The following TRIP12 variants were observed in gnomAD, a reference collection of about 807,000 sequenced individuals.
TRIP12 encodes E3 ubiquitin-protein ligase TRIP12.
A neutral mutation model predicts 244.2 loss-of-function variants in TRIP12; 25 were observed. That is an observed-to-expected ratio of 0.10 (90% CI 0.07 to 0.14). The LOEUF (loss-of-function observed/expected upper bound fraction) is 0.14. TRIP12 is among the 10% of genes least tolerant of loss of function. The pLI, the probability that TRIP12 is intolerant of heterozygous loss-of-function variation, is 1.00. For missense variants in TRIP12, 1,677 were observed against 2,486.4 expected, an observed-to-expected ratio of 0.67 and a Z score of 6.92; for synonymous variants, 905 against 873.1, an observed-to-expected ratio of 1.04 and a Z score of -0.64.
chr2:229,791,801 A>C (rs2041616268), intron 29 of TRIP12, 65 bp downstream of exon 29: 1 of 1,544,694 alleles, frequency 6.5e-7, no homozygotes. Flanking sequence ...GTTAATGTGA[A>C]TTCTAAAACA....
In TRIP12 at chr2:229,877,545, A is replaced by G. The variant is rs116101309; in HGVS notation, c.98+2437T>C. On this transcript the variant is annotated intron_variant, in intron 2 of 41. Coordinates refer to ENST00000675903, the MANE Select transcript of TRIP12 (RefSeq NM_001348323.3). ...AAGACTCCGTCTCAAAAAATAAATT[A>G]AAAAAAATTTTTTAATCTACATAAC... Among the ~76,000 whole-genome samples, 932 of 152,242 alleles carry G rather than the reference A, an allele frequency of 6.1e-3. 7 individuals carry two copies. Among genetic ancestry groups the G allele is most frequent in the African/African-American group, 0.021 (877 of 41,522 alleles).
intron 8 of TRIP12, among the ~76,000 whole-genome samples, chr2:229,826,954 T>C (rs1009214636): frequency 6.6e-6 from 1 of 152,128 alleles, no homozygotes; most frequent in Non-Finnish European, 1.5e-5. Flanking sequence ...TGTATATTTA[T>C]GTATACTAAA....
chr2:229,794,630 G>A (rs146786682), intron 26 of TRIP12, among the ~76,000 whole-genome samples: 27 of 151,882 alleles, frequency 1.8e-4, no homozygotes, highest in East Asian at 1.7e-3. Context: ...CTAGGCCTCC[G>A]GTCAAAATAT....
chr2:229,842,739 G>A (rs1445109875), intron 4 of TRIP12, among the ~76,000 whole-genome samples: 2 of 152,088 alleles, frequency 1.3e-5, no homozygotes, highest in Non-Finnish European at 1.5e-5. Context: ...TCTATTTAGT[G>A]ACATTAAAAA....
At chr2:229,904,503 T>C (rs1408774307) in intron 1 of TRIP12, among the ~76,000 whole-genome samples, 3 of 151,332 alleles carry the variant, frequency 2.0e-5, no homozygotes, top group African/African-American at 7.3e-5. Flanking sequence ...AGCACATTAA[T>C]GAAGAACTAA....
In TRIP12 at chr2:229,809,101, A is replaced by C. The variant is rs148706583; in HGVS notation, c.2222-732T>G. On this transcript the variant is annotated intron_variant, in intron 15 of 41. Transcript: ENST00000675903. ...ATTATACATATGCAAAATATACATA[A>C]ACATTTTATTAGAATGTTTTGCCAA... Among the ~76,000 whole-genome samples, 508 of 152,328 alleles carry C rather than the reference A, an allele frequency of 3.3e-3. 3 individuals are homozygous for C. Among genetic ancestry groups the C allele is most frequent in the African/African-American group, 0.012 (484 of 41,582 alleles).
In TRIP12 at chr2:229,802,148, A is replaced by G. The variant is rs906014618; in HGVS notation, c.3206+104T>C. The G allele has an allele frequency of 2.2e-5, 17 of 774,448 alleles. 1 individual carries two copies. The South Asian group carries it at 3.0e-4, about 14-fold the overall frequency. 48.0% of individuals were successfully genotyped at this position (774,448 alleles called of 1,614,324 possible). The stretch of plus-strand genomic sequence containing the variant: ...CAAAATACAAAAGGAAAAATATAAT[A>G]TATATATGCTAATATGTTACCATTT... On this transcript the variant is annotated intron_variant, in intron 21 of 41. Transcript: ENST00000675903.
chr2:229,770,478 A>C (rs185038524), intron 39 of TRIP12, among the ~76,000 whole-genome samples: 1 of 152,368 alleles, frequency 6.6e-6, no homozygotes, highest in African/African-American at 2.4e-5. Context: ...AGTTAATCAA[A>C]AATTTATAGA....
intron 2 of TRIP12, among the ~76,000 whole-genome samples, chr2:229,873,775 A>G (rs1018890232): frequency 2.0e-5 from 3 of 152,156 alleles, no homozygotes; most frequent in African/African-American, 4.8e-5. Context: ...GCTATATCCT[A>G]TATTTCTCAC....
chr2:229,783,582 G>A (rs570037982), intron 34 of TRIP12, among the ~76,000 whole-genome samples: 1 of 152,252 alleles, frequency 6.6e-6, no homozygotes, highest in East Asian at 1.9e-4. Context: ...AACAAAATAT[G>A]TGCAAGAAAG....
chr2:229,908,133 A>C (rs2073362601), intron 1 of TRIP12, among the ~76,000 whole-genome samples: 1 of 152,212 alleles, frequency 6.6e-6, no homozygotes, highest in South Asian at 2.1e-4. Context: ...CCACAGGCCC[A>C]GCCCTGAGCC....
At chr2:229,849,952 G>A (rs1284747774) in intron 4 of TRIP12, among the ~76,000 whole-genome samples, 2 of 147,892 alleles carry the variant, frequency 1.4e-5, no homozygotes, top group African/African-American at 4.9e-5. Context: ...AAAAAAAGAG[G>A]TAGCCCTTGG....
intron 2 of TRIP12, among the ~76,000 whole-genome samples, chr2:229,871,848 G>A (rs1424769551): frequency 6.6e-6 from 1 of 151,904 alleles, no homozygotes; most frequent in African/African-American, 2.4e-5. Flanking sequence ...TTCTAGAAGA[G>A]TAAATATTTG....
chr2:229,821,913 G>C (rs953382677), intron 8 of TRIP12, among the ~76,000 whole-genome samples: 1 of 152,160 alleles, frequency 6.6e-6, no homozygotes, highest in Non-Finnish European at 1.5e-5. Flanking sequence ...GCCAAGATGG[G>C]CGGATCACCT....
intron 1 of TRIP12, among the ~76,000 whole-genome samples, chr2:229,913,653 A>C (rs2074777175): frequency 6.6e-6 from 1 of 152,340 alleles, no homozygotes; most frequent in African/African-American, 2.4e-5. Context: ...AAAACAAGCA[A>C]GTAAATTATG....
chr2:229,815,124 T>C lies in TRIP12; in HGVS notation c.1706A>G (p.Asp569Gly). Residue 569 changes from aspartate (D) to glycine (G), a missense_variant, in exon 11 of 42, where the codon GAT becomes GGT. By Grantham distance (94) the Asp-to-Gly change is moderately conservative. Transcript: ENST00000675903. ...CTTTTCTAAAAAGACAGGAATAGCA[T>C]CTACTACAACAGCAGAAGATCGAGG... ...ALPRSSAVVVDAIPVFLEKLQ... is the reference protein window; with the variant it reads ...ALPRSSAVVVGAIPVFLEKLQ... 2 of 1,612,680 alleles carry C rather than the reference T, an allele frequency of 1.2e-6. No homozygotes were observed. Among genetic ancestry groups the C allele is most frequent in the Non-Finnish European group, 8.5e-7 (1 of 1,179,422 alleles).
chr2:229,871,203 G>A (rs1218437144), intron 2 of TRIP12, among the ~76,000 whole-genome samples: 1 of 146,644 alleles, frequency 6.8e-6, no homozygotes, highest in African/African-American at 2.7e-5. Context: ...AGAGGGGAGG[G>A]GAGGGGAGGG....
chr2:229,815,264 T>C lies in TRIP12; in HGVS notation c.1635+9A>G. 11 of 1,500,238 alleles carry C rather than the reference T, an allele frequency of 7.3e-6. No individual in the cohort carries two copies. The highest frequency in any genetic ancestry group is 1.0e-5 in the Non-Finnish European group (11 of 1,083,254). 92.9% of individuals were successfully genotyped at this position (1,500,238 alleles called of 1,614,324 possible). A position where few individuals can be genotyped will look rare whatever the true frequency, so the allele number is the denominator to read the frequency against. On this transcript the variant is annotated intron_variant, in intron 10 of 41. Transcript: ENST00000675903. ...TATACACCATTAAAAAAATACAATA[T>C]ATACTTACAATATCAAAATTGTGCT...
intron 4 of TRIP12, among the ~76,000 whole-genome samples, chr2:229,852,223 T>C (rs1483414566): frequency 3.9e-5 from 6 of 152,216 alleles, no homozygotes; most frequent in African/African-American, 2.4e-5. Context: ...GAGAGTAAAG[T>C]AGATCTTCAA....
Sources: gnomAD v4.1 joint callset for allele counts (sites outside exome capture counted in the v4.1 genomes callset) on GRCh38, gnomAD v4.1.1 for gene constraint, MANE v1.5 for transcripts, NCBI Gene and HGNC (gene_info 2026-07-23, HGNC 2026-07-21) for gene names.